The following MEI4 variants were observed in gnomAD, a reference collection of about 807,000 sequenced individuals.
MEI4 encodes the protein meiotic double-stranded break formation protein 4.
In MEI4, 27 loss-of-function variants were observed where a neutral mutation model predicts 31.4. That is an observed-to-expected ratio of 0.86 (90% CI 0.63 to 1.19). The LOEUF is 1.19. MEI4 is among the 50% of genes most tolerant of loss of function. MEI4 has a pLI of 0.00. For synonymous variants in MEI4, 122 were observed against 145.4 expected (o/e 0.84, Z 1.16); for missense variants, 329 against 398.9 (o/e 0.82, Z 1.49).
At chr6:77,650,510 A>G (rs1219703143), upstream of MEI4, among the ~76,000 whole-genome samples, 5 of 152,178 alleles carry the variant, frequency 3.3e-5, no homozygotes, top group Non-Finnish European at 7.4e-5. Context: ...GGGATGGCGC[A>G]GAGCGCCTGC....
intron 4 of MEI4, among the ~76,000 whole-genome samples, chr6:77,919,355 C>T (rs9352543): frequency 0.14 from 21,534 of 151,824 alleles, 1,809 homozygotes; most frequent in East Asian, 0.39. Flanking sequence ...CACTCAAAAC[C>T]GCTCAACTAC....
chr6:77,734,093 A>C (rs1176351533), intron 2 of MEI4, among the ~76,000 whole-genome samples: 1 of 151,948 alleles, frequency 6.6e-6, no homozygotes, highest in Non-Finnish European at 1.5e-5. Context: ...GCTGAAAAAA[A>C]TGTATATTCT....
At chr6:77,696,860 C>T (rs1431595465) in intron 2 of MEI4, among the ~76,000 whole-genome samples, 9 of 152,266 alleles carry the variant, frequency 5.9e-5, no homozygotes, top group African/African-American at 2.2e-4. Context: ...CTCCTAGTAC[C>T]TCTGGTAGAA....
chr6:77,767,977 TAGC>T (rs1248137107), intron 3 of MEI4, among the ~76,000 whole-genome samples: 2 of 152,244 alleles, frequency 1.3e-5, no homozygotes, highest in Non-Finnish European at 2.9e-5. Context: ...ATTAAAATAA[TAGC>T]AGTCTTCCTA....
chr6:77,923,114 G>T lies in MEI4; in HGVS notation c.926G>T (p.Arg309Leu), dbSNP rs756946819. Residue 309 changes from arginine (R) to leucine (L), a missense_variant, in exon 5 of 5, where the codon CGC becomes CTC. Arg to Leu is a moderately radical substitution (Grantham distance 102, BLOSUM62 -2). Coordinates refer to ENST00000684080, the MANE Select transcript of MEI4 (RefSeq NM_001322247.2). ...GAGCAAGCCAGTTATGATGTGTCACGCTATGAAAACATTTTCTACCTGTTC... is the reference window on the plus strand; with the variant it reads ...GAGCAAGCCAGTTATGATGTGTCACTCTATGAAAACATTTTCTACCTGTTC... ...NQEQASYDVSRYENIFYLFWV... is the reference protein window; with the variant it reads ...NQEQASYDVSLYENIFYLFWV... 1.6e-6 allele frequency: 2 copies of T among 1,230,038 alleles called. No individual in the cohort carries two copies. The highest frequency in any genetic ancestry group is 1.0e-6 in the Non-Finnish European group (1 of 986,496). 76.2% of individuals were successfully genotyped at this position (1,230,038 alleles called of 1,614,324 possible).
chr6:77,666,225 A>G (rs887452624), intron 1 of MEI4, among the ~76,000 whole-genome samples: 1 of 152,126 alleles, frequency 6.6e-6, no homozygotes, highest in African/African-American at 2.4e-5. Context: ...GGGGAGAATT[A>G]CAAAGAACCT....
rs566796588 is a variant in MEI4, at chr6:77,732,266, A to T, written c.233-28864A>T. Reference sequence around the variant, plus strand: ...TGATTCTTTCTACCCATGAGCATGGAATGTTCTTCCATTTGTTTTTATCCT... The same window carrying T: ...TGATTCTTTCTACCCATGAGCATGGTATGTTCTTCCATTTGTTTTTATCCT... On this transcript the variant is annotated intron_variant, in intron 2 of 4. Transcript: ENST00000684080. Among the ~76,000 whole-genome samples, 4 of 152,008 alleles carry T rather than the reference A, an allele frequency of 2.6e-5. No homozygotes were observed. The East Asian group carries it at 7.7e-4, about 29-fold the overall frequency.
intron 2 of MEI4, among the ~76,000 whole-genome samples, chr6:77,745,702 T>C (rs942404705): frequency 2.6e-5 from 4 of 152,032 alleles, no homozygotes; most frequent in African/African-American, 9.7e-5. Context: ...TATTCCAAAA[T>C]TGACCACATA....
chr6:77,750,057 A>G (rs943944909), intron 2 of MEI4, among the ~76,000 whole-genome samples: 3 of 152,230 alleles, frequency 2.0e-5, no homozygotes, highest in Non-Finnish European at 4.4e-5. Flanking sequence ...TTCTTTACAG[A>G]CAAGCAAATG....
intron 3 of MEI4, among the ~76,000 whole-genome samples, chr6:77,782,398 G>A (rs1002223642): frequency 5.9e-5 from 9 of 152,022 alleles, no homozygotes; most frequent in African/African-American, 2.2e-4. Context: ...TTGAGTTATT[G>A]TTATATAAAA....
At chr6:77,744,866 A>G (rs1359034008) in intron 2 of MEI4, among the ~76,000 whole-genome samples, 1 of 152,196 alleles carries the variant, frequency 6.6e-6, no homozygotes, top group Non-Finnish European at 1.5e-5. Context: ...ATCCAGCCAA[A>G]CTAAGCTTCA....
intron 4 of MEI4, among the ~76,000 whole-genome samples, chr6:77,846,649 T>C (rs775587371): frequency 2.0e-5 from 3 of 152,200 alleles, no homozygotes; most frequent in Non-Finnish European, 4.4e-5. Flanking sequence ...TCCCTGGTCA[T>C]TGTGTACTAA....
At chr6:77,848,262 G>A (rs770929767) in intron 4 of MEI4, among the ~76,000 whole-genome samples, 4 of 152,128 alleles carry the variant, frequency 2.6e-5, no homozygotes, top group Admixed American at 2.0e-4. Flanking sequence ...TTTAGAACTG[G>A]AACACTTCTA....
In MEI4 at chr6:77,924,116, T is replaced by C. The variant is rs145011094; in HGVS notation, c.*770T>C. 34 of 151,948 alleles carry C rather than the reference T, an allele frequency of 2.2e-4. No individual in the cohort carries two copies. Among genetic ancestry groups the C allele is most frequent in the African/African-American group, 8.2e-4 (34 of 41,534 alleles). 9.4% of individuals were successfully genotyped at this position (151,948 alleles called of 1,614,324 possible). A position where few individuals can be genotyped will look rare whatever the true frequency, so the allele number is the denominator to read the frequency against. On this transcript the variant is annotated 3_prime_UTR_variant, in exon 5 of 5. Transcript: ENST00000684080. ...ATCTAAAAGTGAAATTTATAGTTAT[T>C]TGGTGGAATTTTTCAGTTATACAAT...
chr6:77,871,695 AT>A (rs1261946948), intron 4 of MEI4, among the ~76,000 whole-genome samples: 1 of 152,170 alleles, frequency 6.6e-6, no homozygotes, highest in African/African-American at 2.4e-5. Context: ...TGAATCTAAA[AT>A]AAAAGTTGAA....
At chr6:77,804,987 A>T (rs901329245) in intron 3 of MEI4, among the ~76,000 whole-genome samples, 6 of 152,204 alleles carry the variant, frequency 3.9e-5, no homozygotes, top group African/African-American at 1.4e-4. Context: ...ATCGTTTGGC[A>T]TATGCCATTT....
intron 1 of MEI4, among the ~76,000 whole-genome samples, chr6:77,680,572 T>C (rs1449858643): frequency 6.6e-6 from 1 of 152,172 alleles, no homozygotes; most frequent in Non-Finnish European, 1.5e-5. Flanking sequence ...AGTTAAGGAA[T>C]GAGCTTAAAG....
At chr6:77,856,365 G>A (rs552562042) in intron 4 of MEI4, among the ~76,000 whole-genome samples, 25 of 152,166 alleles carry the variant, frequency 1.6e-4, no homozygotes, top group Middle Eastern at 3.4e-3. Flanking sequence ...AAACTCAGGT[G>A]CCTATCTAAT....
intron 4 of MEI4, among the ~76,000 whole-genome samples, chr6:77,921,934 A>T (rs1027978416): frequency 6.6e-6 from 1 of 151,100 alleles, no homozygotes; most frequent in Admixed American, 6.6e-5. Flanking sequence ...ACAGTGAAAA[A>T]TTTGAAATAT....
Sources: gnomAD v4.1 joint callset for allele counts (sites outside exome capture counted in the v4.1 genomes callset) on GRCh38, gnomAD v4.1.1 for gene constraint, MANE v1.5 for transcripts, NCBI Gene and HGNC (gene_info 2026-07-23, HGNC 2026-07-21) for gene names.